The following ADCY2 variants were observed in gnomAD, a reference collection of about 807,000 sequenced individuals.
ADCY2 encodes the protein adenylate cyclase type 2.
In ADCY2, 31 loss-of-function variants were observed where a neutral mutation model predicts 125.2. The observed-to-expected ratio is 0.25, with a 90% CI of 0.19 to 0.33. The LOEUF (loss-of-function observed/expected upper bound fraction) is 0.33, where lower values mean the gene tolerates loss of function less well. Ranked by LOEUF, ADCY2 falls within the 10% of genes least tolerant of loss-of-function variation. ADCY2 has a pLI of 1.00. For missense variants in ADCY2, 904 were observed against 1,418.2 expected, an observed-to-expected ratio of 0.64 and a Z score of 5.82; for synonymous variants, 512 against 548.4, an observed-to-expected ratio of 0.93 and a Z score of 0.93.
At chr5:7,443,374 C>T (rs1044982312) in intron 2 of ADCY2, among the ~76,000 whole-genome samples, 3 of 151,850 alleles carry the variant, frequency 2.0e-5, no homozygotes, top group East Asian at 1.9e-4. Context: ...AATACAAGGC[C>T]GGGCGTGATG....
intron 18 of ADCY2, among the ~76,000 whole-genome samples, chr5:7,777,835 A>G (rs1292380293): frequency 1.3e-5 from 2 of 152,262 alleles, no homozygotes; most frequent in Non-Finnish European, 2.9e-5. Context: ...CAAGAGTATG[A>G]AAAGTAGACT....
chr5:7,768,483 G>C (rs918628106), intron 17 of ADCY2, among the ~76,000 whole-genome samples: 17 of 152,010 alleles, frequency 1.1e-4, no homozygotes, highest in African/African-American at 3.6e-4. Flanking sequence ...GCATTCACGT[G>C]GCACTTTGAG....
intron 4 of ADCY2, among the ~76,000 whole-genome samples, chr5:7,643,132 T>C (rs1289921494): frequency 6.6e-6 from 1 of 152,088 alleles, no homozygotes; most frequent in Non-Finnish European, 1.5e-5. Context: ...TTCAGAAATG[T>C]TGGATTTTTC....
chr5:7,459,772 A>ATTTTTTTTT lies in ADCY2; in HGVS notation c.408+45027_408+45035dup, dbSNP rs3033085. Among the ~76,000 whole-genome samples the ATTTTTTTTT allele has an allele frequency of 2.0e-3, 148 of 72,858 alleles. 18 individuals carry two copies. Among genetic ancestry groups the ATTTTTTTTT allele is most frequent in the African/African-American group, 6.8e-3 (111 of 16,346 alleles). The allele number at this position is 72,858 out of a possible 152,430, so 47.8% of individuals were successfully genotyped here. A position where few individuals can be genotyped will look rare whatever the true frequency, so the allele number is the denominator to read the frequency against. On this transcript the variant is annotated intron_variant, in intron 2 of 24. Transcript: ENST00000338316. ...GAACTATCTAGCAGTTTAAGAGGTA[A>ATTTTTTTTT]TTTTTTTTTTTTTTTTTTTTTTTTT...
At chr5:7,400,500 A>G (rs1200008103) in intron 1 of ADCY2, among the ~76,000 whole-genome samples, 1 of 152,254 alleles carries the variant, frequency 6.6e-6, no homozygotes, top group Non-Finnish European at 1.5e-5. Flanking sequence ...ACAAATTAAC[A>G]TAGCTAATTA....
chr5:7,661,882 G>C (rs1424390506), intron 4 of ADCY2, among the ~76,000 whole-genome samples: 3 of 152,140 alleles, frequency 2.0e-5, no homozygotes, highest in Non-Finnish European at 2.9e-5. Flanking sequence ...GAGTGTTTTT[G>C]TCAAGAAAAT....
intron 4 of ADCY2, among the ~76,000 whole-genome samples, chr5:7,682,432 T>A (rs1740370942): frequency 6.6e-6 from 1 of 152,218 alleles, no homozygotes. Flanking sequence ...CCCCTTCTGT[T>A]GCTCATTCTC....
intron 2 of ADCY2, among the ~76,000 whole-genome samples, chr5:7,421,444 G>A (rs986736087): frequency 6.6e-6 from 1 of 152,194 alleles, no homozygotes; most frequent in Admixed American, 6.5e-5. Context: ...CCGTCTTCAC[G>A]TGGTAGCTCC....
chr5:7,608,929 T>C lies in ADCY2; in HGVS notation c.571-17238T>C, dbSNP rs533802100. Among the ~76,000 whole-genome samples the C allele has an allele frequency of 1.1e-4, 16 of 152,234 alleles. No homozygotes were observed. In the East Asian group the frequency reaches 2.3e-3, roughly 22 times the overall value. ...CTTCTCCTCTAGACAGTGCCATTTT[T>C]CCCCCCAAGAGACAGGCCTTTCTCC... On this transcript the variant is annotated intron_variant, in intron 3 of 24. Coordinates refer to ENST00000338316, the MANE Select transcript of ADCY2 (RefSeq NM_020546.3).
chr5:7,587,712 A>C (rs1168138471), intron 3 of ADCY2, among the ~76,000 whole-genome samples: 2 of 152,222 alleles, frequency 1.3e-5, no homozygotes, highest in African/African-American at 4.8e-5. Context: ...GAATGACAGC[A>C]ATCAATTTAG....
intron 18 of ADCY2, among the ~76,000 whole-genome samples, chr5:7,783,604 A>G (rs1056166039): frequency 1.3e-5 from 2 of 152,194 alleles, no homozygotes; most frequent in Non-Finnish European, 2.9e-5. Context: ...ATCAAATGCC[A>G]TCGATGCTGC....
intron 3 of ADCY2, among the ~76,000 whole-genome samples, chr5:7,531,733 A>G (rs1734651570): frequency 6.6e-6 from 1 of 152,334 alleles, no homozygotes; most frequent in African/African-American, 2.4e-5. Context: ...TCATAAGGAC[A>G]TGATTCATTG....
intron 3 of ADCY2, among the ~76,000 whole-genome samples, chr5:7,550,927 T>A (rs943997905): frequency 1.3e-5 from 2 of 152,132 alleles, no homozygotes; most frequent in African/African-American, 4.8e-5. Flanking sequence ...CAATTTCTAT[T>A]CATCATTTTA....
chr5:7,436,187 T>C (rs1340556174), intron 2 of ADCY2, among the ~76,000 whole-genome samples: 3 of 152,262 alleles, frequency 2.0e-5, no homozygotes, highest in Non-Finnish European at 2.9e-5. Context: ...TTGACGAAAA[T>C]ATTGTGACCA....
At chr5:7,419,769 A>G (rs1277158010) in intron 2 of ADCY2, among the ~76,000 whole-genome samples, 2 of 152,186 alleles carry the variant, frequency 1.3e-5, no homozygotes, top group Non-Finnish European at 2.9e-5. Flanking sequence ...GTTAACTCTA[A>G]ACTGTACAGT....
At chr5:7,447,077 C>G (rs143565174) in intron 2 of ADCY2, among the ~76,000 whole-genome samples, 1 of 151,896 alleles carries the variant, frequency 6.6e-6, no homozygotes, top group African/African-American at 2.4e-5. Flanking sequence ...GTCACAGTTA[C>G]GCTGTCTGTC....
chr5:7,563,677 A>G (rs1485758912), intron 3 of ADCY2, among the ~76,000 whole-genome samples: 3 of 152,184 alleles, frequency 2.0e-5, no homozygotes, highest in Non-Finnish European at 4.4e-5. Context: ...AGGCAGAGGT[A>G]TCGTATATGA....
chr5:7,591,582 G>T (rs1444892700), intron 3 of ADCY2, among the ~76,000 whole-genome samples: 1 of 152,074 alleles, frequency 6.6e-6, no homozygotes, highest in East Asian at 1.9e-4. Flanking sequence ...TCATGTCGAT[G>T]GTTATACAGC....
intron 2 of ADCY2, among the ~76,000 whole-genome samples, chr5:7,481,913 G>A (rs1742746585): frequency 6.6e-6 from 1 of 151,840 alleles, no homozygotes; most frequent in Non-Finnish European, 1.5e-5. Flanking sequence ...TTTCCCCCAT[G>A]TTTTTCTTTA....
Sources: gnomAD v4.1 joint callset for allele counts (sites outside exome capture counted in the v4.1 genomes callset) on GRCh38, gnomAD v4.1.1 for gene constraint, MANE v1.5 for transcripts, NCBI Gene and HGNC (gene_info 2026-07-23, HGNC 2026-07-21) for gene names.